Variants in GRID2 observed in about 807,000 individuals in gnomAD.
GRID2 encodes the protein glutamate ionotropic receptor delta type subunit 2, also known as glutamate receptor ionotropic, delta-2.
In GRID2, 33 loss-of-function variants were observed where a neutral mutation model predicts 114.8. The ratio of observed to expected loss-of-function variants is 0.29; its 90% CI spans 0.22 to 0.38. GRID2 has a LOEUF of 0.38. Among genes scored for constraint, GRID2 ranks in the 10% least tolerant of loss-of-function variants. GRID2 has a pLI of 1.00. For synonymous variants in GRID2, 505 were observed against 449.9 expected, an observed-to-expected ratio of 1.12 and a Z score of -1.55; for missense variants, 1,184 against 1,257.7, an observed-to-expected ratio of 0.94 and a Z score of 0.89.
intron 4 of GRID2, among the ~76,000 whole-genome samples, chr4:93,124,071 C>T (rs1390610174): frequency 2.4e-5 from 3 of 126,842 alleles, no homozygotes; most frequent in African/African-American, 9.3e-5. Context: ...CTAACCTGCA[C>T]AATGTGCACA....
intron 4 of GRID2, chr4:93,204,010 C>T (rs1371640235): frequency 6.6e-6 from 1 of 152,166 alleles, no homozygotes; most frequent in Non-Finnish European, 1.5e-5. Flanking sequence ...AGTGTCCCAG[C>T]AGAAGGAGAG....
In GRID2 at chr4:93,151,035, G is replaced by A. The variant is rs192885455; in HGVS notation, c.735+40082G>A. On this transcript the variant is annotated intron_variant, in intron 4 of 15. Coordinates refer to ENST00000282020, the MANE Select transcript of GRID2 (RefSeq NM_001510.4). ...TCCTAGCTACTTGGGAGGCTGAGGC[G>A]GGAGAATGGACGTGGGATGCGGAGG... Among the ~76,000 whole-genome samples, 45 of 150,838 alleles carry A rather than the reference G, an allele frequency of 3.0e-4. No individual in the cohort carries two copies. In the East Asian group the frequency reaches 7.9e-3, roughly 26 times the overall value.
Position 92,879,143 on chromosome 4 carries a change from AAG to A in GRID2, c.245-205850_245-205849del, listed in dbSNP as rs1484721921. Among the ~76,000 whole-genome samples, 5 of 152,268 alleles carry A rather than the reference AAG, an allele frequency of 3.3e-5. No individual in the cohort carries two copies. In the East Asian group the frequency reaches 7.7e-4, roughly 24 times the overall value. On this transcript the variant is annotated intron_variant, in intron 2 of 15. Transcript: ENST00000282020. The stretch of plus-strand genomic sequence containing the variant: ...ATGTATATAGACAAAGACTAGAAAA[AAG>A]ATATAAAATATGGTGATTTTATTTT...
At chr4:92,681,242 G>A (rs1034432761) in intron 2 of GRID2, among the ~76,000 whole-genome samples, 1 of 152,160 alleles carries the variant, frequency 6.6e-6, no homozygotes, top group Admixed American at 6.5e-5. Flanking sequence ...CAGCGACTGT[G>A]GGTGAGGGTA....
intron 2 of GRID2, among the ~76,000 whole-genome samples, chr4:92,794,325 C>G (rs2149367072): frequency 6.6e-6 from 1 of 151,918 alleles, no homozygotes; most frequent in South Asian, 2.1e-4. Context: ...CCACTCTCTT[C>G]TGCCTGCAAA....
chr4:92,438,080 C>G (rs1388798026), intron 1 of GRID2, among the ~76,000 whole-genome samples: 1 of 152,104 alleles, frequency 6.6e-6, no homozygotes. Flanking sequence ...TAAGTATTTC[C>G]TAAGACTATT....
intron 2 of GRID2, among the ~76,000 whole-genome samples, chr4:92,600,042 G>GTATA (rs1264402444): frequency 2.1e-3 from 151 of 70,244 alleles, no homozygotes; most frequent in Non-Finnish European, 2.6e-3. Flanking sequence ...GTGTGTGTGT[G>GTATA]TGTATATATA....
chr4:93,293,827 G>C (rs72874930), intron 8 of GRID2, among the ~76,000 whole-genome samples: 1 of 151,948 alleles, frequency 6.6e-6, no homozygotes, highest in Non-Finnish European at 1.5e-5. Flanking sequence ...TATTTATTGC[G>C]TGCCTACTAT....
intron 10 of GRID2, among the ~76,000 whole-genome samples, chr4:93,445,260 T>G (rs1721992355): frequency 6.6e-6 from 1 of 151,944 alleles, no homozygotes; most frequent in African/African-American, 2.4e-5. Context: ...ATAAGTAAAA[T>G]AAGTTTGGTT....
Position 92,886,945 on chromosome 4 carries a change from TG to T in GRID2, c.245-198045del, listed in dbSNP as rs572106257. 3.4e-4 allele frequency among the ~76,000 whole-genome samples: 51 copies of T among 152,112 alleles called. No homozygotes were observed. The South Asian group carries it at 5.2e-3, about 15-fold the overall frequency. On this transcript the variant is annotated intron_variant, in intron 2 of 15. Coordinates refer to ENST00000282020, the MANE Select transcript of GRID2 (RefSeq NM_001510.4). The stretch of plus-strand genomic sequence containing the variant: ...TGGCCCTTACCTTGCTATTATTTTT[TG>T]GGGGAAAAAAAAAACTGTTGAAATC...
At chr4:93,334,379 T>A (rs1758812081) in intron 8 of GRID2, among the ~76,000 whole-genome samples, 1 of 135,296 alleles carries the variant, frequency 7.4e-6, no homozygotes, top group South Asian at 2.2e-4. Flanking sequence ...AGACTTACTG[T>A]GAAAAAAAAA....
intron 1 of GRID2, among the ~76,000 whole-genome samples, chr4:92,340,622 G>T (rs1727432917): frequency 6.6e-6 from 1 of 152,138 alleles, no homozygotes. Flanking sequence ...TAAATAAATA[G>T]TTCTCTGAGA....
chr4:93,729,035 T>C (rs548122567), intron 14 of GRID2, among the ~76,000 whole-genome samples: 2 of 152,320 alleles, frequency 1.3e-5, no homozygotes, highest in South Asian at 4.1e-4. Context: ...CATTATGATG[T>C]CAGCTGGTTA....
At chr4:92,356,360 G>A (rs1728322012) in intron 1 of GRID2, among the ~76,000 whole-genome samples, 1 of 151,104 alleles carries the variant, frequency 6.6e-6, no homozygotes, top group Non-Finnish European at 1.5e-5. Flanking sequence ...TTTGCCTTTA[G>A]CTATATATTT....
intron 1 of GRID2, among the ~76,000 whole-genome samples, chr4:92,390,455 C>T (rs1454511281): frequency 6.6e-6 from 1 of 152,004 alleles, no homozygotes; most frequent in Non-Finnish European, 1.5e-5. Flanking sequence ...TTGGTCCAAC[C>T]ACATCTAAAG....
At chr4:93,491,372 A>C (rs1726988697) in intron 12 of GRID2, among the ~76,000 whole-genome samples, 1 of 151,786 alleles carries the variant, frequency 6.6e-6, no homozygotes. Flanking sequence ...ATAGTGATTA[A>C]CTATGGTGCA....
At chr4:93,412,577 A>ATTTTTC (rs1560593791) in intron 9 of GRID2, among the ~76,000 whole-genome samples, 1 of 151,846 alleles carries the variant, frequency 6.6e-6, no homozygotes, top group South Asian at 2.1e-4. Context: ...TTTCACTTTT[A>ATTTTTC]TTTTTCTTTT....
At chr4:92,914,315 T>C (rs772118720) in intron 2 of GRID2, among the ~76,000 whole-genome samples, 67 of 152,276 alleles carry the variant, frequency 4.4e-4, no homozygotes, top group South Asian at 4.1e-4. Flanking sequence ...ATGCAGACTT[T>C]ATAAAAGTGT....
At chr4:93,494,948 C>G (rs1727385656) in intron 12 of GRID2, among the ~76,000 whole-genome samples, 2 of 151,770 alleles carry the variant, frequency 1.3e-5, no homozygotes, top group South Asian at 4.1e-4. Flanking sequence ...TGTGATATTA[C>G]TTCCAAAAGC....
Sources: gnomAD v4.1 joint callset for allele counts (sites outside exome capture counted in the v4.1 genomes callset) on GRCh38, gnomAD v4.1.1 for gene constraint, MANE v1.5 for transcripts, NCBI Gene and HGNC (gene_info 2026-07-23, HGNC 2026-07-21) for gene names.